Variants in ACSM2B observed in about 807,000 individuals in gnomAD.
ACSM2B encodes acyl-CoA synthetase medium chain family member 2B, also known as acyl-coenzyme A synthetase ACSM2B, mitochondrial.
Under a neutral mutation model 78.6 loss-of-function variants are expected in ACSM2B, and 58 were observed. That is an observed-to-expected ratio of 0.74 (90% confidence interval 0.60 to 0.92). The LOEUF is 0.92. Among genes scored for constraint, ACSM2B ranks in the 40% least tolerant of loss-of-function variants. The pLI is 0.00. For missense variants in ACSM2B, 688 were observed against 711.2 expected (o/e 0.97, Z 0.37); for synonymous variants, 257 against 256.8 (o/e 1.00, Z -0.01).
At chr16:20,540,018 C>T (rs535425483) in intron 13 of ACSM2B, among the ~76,000 whole-genome samples, 11 of 152,250 alleles carry the variant, frequency 7.2e-5, no homozygotes, top group South Asian at 2.1e-4. Context: ...TGCAACTGAG[C>T]GTTGCACAAC....
chr16:20,574,898 C>G (rs2016201508), intron 1 of ACSM2B, among the ~76,000 whole-genome samples: 1 of 149,858 alleles, frequency 6.7e-6, no homozygotes, highest in Non-Finnish European at 1.5e-5. Context: ...TTTCTTTCAT[C>G]ACTTTATCCA....
chr16:20,570,992 T>G, intron 1 of ACSM2B, among the ~76,000 whole-genome samples: 1 of 151,920 alleles, frequency 6.6e-6, no homozygotes, highest in Admixed American at 6.6e-5. Context: ...CCTAATGGTC[T>G]ATCAATCTTA....
At chr16:20,547,375 G>C (rs540008389) in intron 8 of ACSM2B, 2 of 985,130 alleles carry the variant, frequency 2.0e-6, no homozygotes, top group African/African-American at 3.5e-5. Context: ...CTCTGCAAAA[G>C]TTCTACCAAG....
At position 20,566,671 on chromosome 16, in the gene ACSM2B, A is replaced by AC. The variant is rs2015867589; in HGVS notation, c.-8-1819_-8-1818insG. 3.7e-4 allele frequency among the ~76,000 whole-genome samples: 12 copies of AC among 32,324 alleles called. 1 individual carries two copies. Among genetic ancestry groups the AC allele is most frequent in the East Asian group, 5.3e-3 (1 of 188 alleles). 21.2% of individuals were successfully genotyped at this position (32,324 alleles called of 152,430 possible). On this transcript the variant is annotated intron_variant, in intron 1 of 13. Coordinates refer to ENST00000329697, the MANE Select transcript of ACSM2B (RefSeq NM_001105069.2). ...TATACTATATATATGTATATATAGT[A>AC]TATACATATAGTATATACTATATAT...
intron 6 of ACSM2B, among the ~76,000 whole-genome samples, chr16:20,551,906 G>A (rs1210726740): frequency 6.6e-6 from 1 of 152,078 alleles, no homozygotes; most frequent in Non-Finnish European, 1.5e-5. Flanking sequence ...GTGAACAAAT[G>A]ACCTACAATA....
At chr16:20,540,816 G>A (rs769946445) in intron 12 of ACSM2B, 43 bp from the exon 13 acceptor site, 20 of 1,596,498 alleles carry the variant, frequency 1.3e-5, no homozygotes, top group Non-Finnish European at 1.7e-5. Flanking sequence ...ATTAGAGTGT[G>A]TAGTCATCTC....
intron 2 of ACSM2B, among the ~76,000 whole-genome samples, chr16:20,562,568 AGCAAG>A (rs1173383159): frequency 6.6e-6 from 1 of 152,200 alleles, no homozygotes; most frequent in East Asian, 1.9e-4. Context: ...TTAACTTTAA[AGCAAG>A]GATGACAACA....
Position 20,559,337 on chromosome 16 carries a change from G to A in ACSM2B, c.288C>T (p.Ile96=), listed in dbSNP as rs1296866013. 2 of 1,608,236 alleles carry A rather than the reference G, an allele frequency of 1.2e-6. No homozygotes were observed. The highest frequency in any genetic ancestry group is 1.7e-5 in the Admixed American group (1 of 59,292). ...GCTGCAGGCCACAGGCTCCCGAGAG[G>A]ATGTTGGCTGCCTGCTGGCTGTTTT... ...LSENSQQAAN[I]LSGACGLQRG... is the part of the protein sequence containing the mutation. Residue 96 remains isoleucine (I), a synonymous_variant, in exon 3 of 14, where the codon ATC becomes ATT. Coordinates refer to ENST00000329697, the MANE Select transcript of ACSM2B (RefSeq NM_001105069.2).
chr16:20,566,274 T>G lies in ACSM2B; in HGVS notation c.-8-1421A>C, dbSNP rs1207280901. 7.1e-4 allele frequency among the ~76,000 whole-genome samples: 94 copies of G among 131,918 alleles called. 1 individual carries two copies. The highest frequency in any genetic ancestry group is 2.6e-3 in the African/African-American group (90 of 35,286). 86.5% of individuals were successfully genotyped at this position (131,918 alleles called of 152,430 possible). ...ATATATATATATATATATATATATA[T>G]ATATATATATAGACAGATATATAGA... On this transcript the variant is annotated intron_variant, in intron 1 of 13. Coordinates refer to ENST00000329697, the MANE Select transcript of ACSM2B (RefSeq NM_001105069.2).
intron 1 of ACSM2B, among the ~76,000 whole-genome samples, chr16:20,567,120 GTA>G (rs1361873906): frequency 7.5e-6 from 1 of 133,412 alleles, no homozygotes; most frequent in Non-Finnish European, 1.6e-5. Context: ...TAATAGTATA[GTA>G]TATATAGATA....
At chr16:20,545,789 C>T (rs13338307) in intron 9 of ACSM2B, among the ~76,000 whole-genome samples, 2 of 152,154 alleles carry the variant, frequency 1.3e-5, no homozygotes, top group East Asian at 1.9e-4. Flanking sequence ...CACTGAATAG[C>T]GTCTAAGTTA....
chr16:20,537,561 T>C (rs2014879722), intron 13 of ACSM2B, among the ~76,000 whole-genome samples, 199 bp from the exon 14 acceptor site: 1 of 152,108 alleles, frequency 6.6e-6, no homozygotes, highest in Non-Finnish European at 1.5e-5. Context: ...TAAAGGTATT[T>C]GACATATTTT....
At chr16:20,570,650 A>G (rs2016066798) in intron 1 of ACSM2B, among the ~76,000 whole-genome samples, 2 of 151,680 alleles carry the variant, frequency 1.3e-5, no homozygotes, top group Non-Finnish European at 3.0e-5. Flanking sequence ...TCTTCTTTGA[A>G]TGTCTGGTAG....
intron 1 of ACSM2B, 88 bp downstream of exon 1, chr16:20,576,119 G>A (rs2016243122): frequency 1.3e-5 from 2 of 150,292 alleles, no homozygotes; most frequent in African/African-American, 2.5e-5. Context: ...GAGGATTTTT[G>A]CTCTTCTCAC....
At chr16:20,549,861 T>C (rs1397843629) in intron 6 of ACSM2B, 1 of 439,304 alleles carries the variant, frequency 2.3e-6, no homozygotes, top group East Asian at 7.2e-5. Flanking sequence ...TGACAATTGG[T>C]TGAGTTGATC....
At chr16:20,560,114 G>C (rs1230456660) in intron 2 of ACSM2B, among the ~76,000 whole-genome samples, 1 of 150,672 alleles carries the variant, frequency 6.6e-6, no homozygotes, top group African/African-American at 2.5e-5. Context: ...TCCATCTCCC[G>C]AAGTTTTTCA....
intron 5 of ACSM2B, among the ~76,000 whole-genome samples, chr16:20,553,349 G>A (rs761133336): frequency 6.6e-6 from 1 of 152,180 alleles, no homozygotes; most frequent in Non-Finnish European, 1.5e-5. Flanking sequence ...GAAATCCTGA[G>A]ATCTTTGTTC....
intron 5 of ACSM2B, among the ~76,000 whole-genome samples, chr16:20,553,359 C>T (rs1320077535): frequency 5.9e-5 from 9 of 152,124 alleles, no homozygotes; most frequent in Non-Finnish European, 1.2e-4. Context: ...GATCTTTGTT[C>T]ACAAATTTAT....
rs767730525 is a variant in ACSM2B at position 20,537,341 on chromosome 16, G to T, written c.1651C>A (p.Pro551Thr). ...TGAATTTTCCCTGTGACAGTCTTGGGCAGGTTCAAGACAAACTCTATCTGT... is the reference window on the plus strand; with the variant it reads ...TGAATTTTCCCTGTGACAGTCTTGGTCAGGTTCAAGACAAACTCTATCTGT... Reference protein sequence around the residue: ...PRKIEFVLNLPKTVTGKIQRT... With the variant: ...PRKIEFVLNLTKTVTGKIQRT... The change falls in exon 14 of 14, where the codon CCC becomes ACC. Residue 551 changes from proline to threonine, a missense_variant. Transcript: ENST00000329697. 38 of 1,613,882 alleles carry T rather than the reference G, an allele frequency of 2.4e-5. No homozygotes were observed. Among genetic ancestry groups the T allele is most frequent in the Non-Finnish European group, 6.8e-6 (8 of 1,179,908 alleles).
Sources: gnomAD v4.1 joint callset for allele counts (sites outside exome capture counted in the v4.1 genomes callset) on GRCh38, gnomAD v4.1.1 for gene constraint, MANE v1.5 for transcripts, NCBI Gene and HGNC (gene_info 2026-07-23, HGNC 2026-07-21) for gene names.